The following MAP3K20 variants were observed in gnomAD, a reference collection of about 807,000 sequenced individuals.
MAP3K20 encodes the protein HCCS-4.
In MAP3K20, 40 loss-of-function variants were observed where a neutral mutation model predicts 85.7. The observed-to-expected ratio is 0.47, with a 90% CI of 0.36 to 0.61. The LOEUF (loss-of-function observed/expected upper bound fraction) is 0.61, where lower values mean the gene tolerates loss of function less well. Among genes scored for constraint, MAP3K20 ranks in the 20% least tolerant of loss-of-function variants. The pLI is 0.00. For missense variants in MAP3K20, 817 were observed against 961.7 expected (o/e 0.85, Z 1.99); for synonymous variants, 325 against 327.7 (o/e 0.99, Z 0.09).
chr2:173,203,840 G>A lies in MAP3K20; in HGVS notation c.714G>A (p.Leu238=). Residue 238 remains leucine, a synonymous_variant, in exon 9 of 20, where the codon CTG becomes CTA. Coordinates refer to ENST00000375213, the MANE Select transcript of MAP3K20 (RefSeq NM_016653.3). ...PSSCPRSFAE[L]LHQCWEADAK... is the part of the protein sequence containing the mutation. ...GTTGCCCCAGAAGTTTTGCTGAACT[G>A]TTACATCAGTGTTGGGAAGCTGATG... The A allele has an allele frequency of 1.2e-6, 2 of 1,613,832 alleles. No individual in the cohort carries two copies. The highest frequency in any genetic ancestry group is 1.3e-5 in the African/African-American group (1 of 74,996).
intron 2 of MAP3K20, among the ~76,000 whole-genome samples, chr2:173,163,370 A>G (rs1417583385): frequency 6.6e-6 from 1 of 152,182 alleles, no homozygotes; most frequent in Non-Finnish European, 1.5e-5. Context: ...AAGTGAGAAT[A>G]TGTTGTATCT....
At chr2:173,177,442 G>A (rs986681192) in intron 3 of MAP3K20, among the ~76,000 whole-genome samples, 1 of 78,112 alleles carries the variant, frequency 1.3e-5, no homozygotes, top group Non-Finnish European at 3.0e-5. Context: ...AATCACAATA[G>A]ATTTTTTTTT....
chr2:173,127,522 A>G (rs749361840), intron 2 of MAP3K20, among the ~76,000 whole-genome samples: 2 of 152,218 alleles, frequency 1.3e-5, no homozygotes, highest in Non-Finnish European at 2.9e-5. Flanking sequence ...GAGAAAAAAG[A>G]TATGGGAAAC....
chr2:173,111,720 G>A (rs1160652822), intron 2 of MAP3K20, among the ~76,000 whole-genome samples: 6 of 152,090 alleles, frequency 3.9e-5, no homozygotes, highest in African/African-American at 1.2e-4. Context: ...CTTTGTTGAC[G>A]ATCAGTTGGC....
At chr2:173,239,309 G>GAA (rs78752850) in intron 15 of MAP3K20, 95 bp from the exon 16 acceptor site, 9,195 of 781,756 alleles carry the variant, frequency 0.012, no homozygotes, top group South Asian at 0.016. Flanking sequence ...GATTAGAATA[G>GAA]AAAAAAAAAA....
chr2:173,190,198 T>C (rs954666425), intron 5 of MAP3K20, among the ~76,000 whole-genome samples: 2 of 152,228 alleles, frequency 1.3e-5, no homozygotes, highest in Non-Finnish European at 2.9e-5. Flanking sequence ...TTTCAGGTTT[T>C]AGCATAAGCA....
At chr2:173,195,929 T>A (rs1690819156) in intron 7 of MAP3K20, among the ~76,000 whole-genome samples, 1 of 152,214 alleles carries the variant, frequency 6.6e-6, no homozygotes, top group African/African-American at 2.4e-5. Context: ...CAGAGAAATA[T>A]AACTTAAATT....
At chr2:173,215,068 C>T (rs1465149741) in intron 10 of MAP3K20, among the ~76,000 whole-genome samples, 1 of 152,206 alleles carries the variant, frequency 6.6e-6, no homozygotes, top group Non-Finnish European at 1.5e-5. Flanking sequence ...TCTGGAAGTG[C>T]TCAAAATCGC....
chr2:173,125,476 T>C (rs1688414061), intron 2 of MAP3K20, among the ~76,000 whole-genome samples: 1 of 151,926 alleles, frequency 6.6e-6, no homozygotes, highest in African/African-American at 2.4e-5. Flanking sequence ...ACCTCACAGT[T>C]TGAAAATAGG....
At position 173,200,466 on chromosome 2, in the gene MAP3K20, T is replaced by TA. The variant is rs1691013068; in HGVS notation, c.669+2356dup. On this transcript the variant is annotated intron_variant, in intron 8 of 19. Coordinates refer to ENST00000375213, the MANE Select transcript of MAP3K20 (RefSeq NM_016653.3). ...GGTTGAAAAGAGAAAGTCGTATTTT[T>TA]AACAGGCCTCATTTAAATAAAGAAA... 3.9e-5 allele frequency among the ~76,000 whole-genome samples: 6 copies of TA among 152,362 alleles called. No individual in the cohort carries two copies. The South Asian group carries it at 1.2e-3, about 32-fold the overall frequency.
Position 173,199,652 on chromosome 2 carries a change from G to T in MAP3K20, c.669+1540G>T, listed in dbSNP as rs577004264. On this transcript the variant is annotated intron_variant, in intron 8 of 19. Coordinates refer to ENST00000375213, the MANE Select transcript of MAP3K20 (RefSeq NM_016653.3). ...TCTGCACTATTCCAAGATAAACTAG[G>T]AGAAAGGTTGTTTTTTTTTTTTTTT... Among the ~76,000 whole-genome samples, 14 of 145,802 alleles carry T rather than the reference G, an allele frequency of 9.6e-5. No homozygotes were observed. The South Asian group carries it at 1.8e-3, about 18-fold the overall frequency.
intron 10 of MAP3K20, 87 bp downstream of exon 10, chr2:173,209,922 G>A (rs1683826559): frequency 2.5e-6 from 3 of 1,195,538 alleles, no homozygotes; most frequent in East Asian, 2.3e-5. Context: ...AGATCTGAAT[G>A]ACAGTCCTGA....
At chr2:173,180,225 A>G (rs1343025756) in intron 3 of MAP3K20, among the ~76,000 whole-genome samples, 1 of 152,254 alleles carries the variant, frequency 6.6e-6, no homozygotes, top group Non-Finnish European at 1.5e-5. Flanking sequence ...ATAAATCTGT[A>G]GTAATCAACA....
intron 10 of MAP3K20, chr2:173,210,709 C>G (rs924844061): frequency 2.0e-5 from 3 of 151,632 alleles, no homozygotes; most frequent in Admixed American, 1.3e-4. Flanking sequence ...TATTCCCCCC[C>G]TGACTCAGCG....
At chr2:173,076,184 A>AGCGAGCGGGCGG (rs1686852048) in intron 1 of MAP3K20, among the ~76,000 whole-genome samples, 182 bp downstream of exon 1, 2 of 151,366 alleles carry the variant, frequency 1.3e-5, no homozygotes, top group South Asian at 4.1e-4. Context: ...CGGCGGCCGG[A>AGCGAGCGGGCGG]GCGAGCGGGC....
intron 4 of MAP3K20, among the ~76,000 whole-genome samples, chr2:173,184,166 T>C (rs1482571866): frequency 6.6e-6 from 1 of 152,026 alleles, no homozygotes; most frequent in Non-Finnish European, 1.5e-5. Context: ...GTGACTTCTC[T>C]GTATGTCAGT....
chr2:173,118,309 C>G (rs1008453029), intron 2 of MAP3K20, among the ~76,000 whole-genome samples: 1 of 152,172 alleles, frequency 6.6e-6, no homozygotes, highest in Non-Finnish European at 1.5e-5. Context: ...ATTAATGGAT[C>G]TAGTTCAGGG....
Position 173,263,863 on chromosome 2 carries a change from C to T in MAP3K20, c.1670C>T (p.Ser557Leu), listed in dbSNP as rs1192883666. 6.2e-7 allele frequency: 1 copy of T among 1,612,776 alleles called. No individual in the cohort carries two copies. Among genetic ancestry groups the T allele is most frequent in the East Asian group, 2.2e-5 (1 of 44,864 alleles). The change falls in exon 19 of 20, where the codon TCA becomes TTA. Residue 557 changes from serine (S) to leucine (L), a missense_variant. Around this residue, in one of 4 missense-constraint regions of MAP3K20, gnomAD observed 454 missense variants for 476.9 expected, o/e 0.95. Transcript: ENST00000375213. ...QLAIQTLFTN[S>L]DGNPGSRSDS... ...GCCATTCAGACATTATTCACCAATT[C>T]AGATGGCAACCCTGGAAGCAGGTCC...
intron 1 of MAP3K20, among the ~76,000 whole-genome samples, chr2:173,081,778 G>C (rs1687020948): frequency 6.6e-6 from 1 of 152,104 alleles, no homozygotes; most frequent in Non-Finnish European, 1.5e-5. Context: ...TTTGGTGTCG[G>C]GTTCATGACT....
Sources: gnomAD v4.1 joint callset for allele counts (sites outside exome capture counted in the v4.1 genomes callset) on GRCh38, gnomAD v4.1.1 for gene constraint, gnomAD v4.1.1 regional missense constraint, MANE v1.5 for transcripts, NCBI Gene and HGNC (gene_info 2026-07-23, HGNC 2026-07-21) for gene names.